ANKRD11: variants seen among roughly 807,000 people sequenced by gnomAD.
ANKRD11 encodes ankyrin repeat domain-containing protein 11.
ANKRD11 carries 17 observed loss-of-function variants against 195.7 expected under a neutral mutation model. The observed-to-expected ratio is 0.09, with a 90% CI of 0.06 to 0.13. The LOEUF (loss-of-function observed/expected upper bound fraction) is 0.13, where lower values mean the gene tolerates loss of function less well. ANKRD11 is among the 10% of genes least tolerant of loss of function. The pLI, the probability that ANKRD11 is intolerant of heterozygous loss-of-function variation, is 1.00. For missense variants in ANKRD11, 3,735 were observed against 3,566.1 expected (o/e 1.05, Z -1.21); for synonymous variants, 1,953 against 1,528.1 (o/e 1.28, Z -6.49).
At chr16:89,289,616 G>A (rs1400575159) in intron 6 of ANKRD11, among the ~76,000 whole-genome samples, 1 of 152,212 alleles carries the variant, frequency 6.6e-6, no homozygotes, top group Non-Finnish European at 1.5e-5. Context: ...GACCCAGCCG[G>A]CCTCCCGGCT....
chr16:89,378,042 A>G (rs909723834), intron 2 of ANKRD11, among the ~76,000 whole-genome samples: 7 of 152,168 alleles, frequency 4.6e-5, no homozygotes, highest in Admixed American at 4.6e-4. Flanking sequence ...AGAATACAGT[A>G]TACAATACAT....
chr16:89,391,121 G>A (rs1287046174), intron 2 of ANKRD11, among the ~76,000 whole-genome samples: 4 of 152,026 alleles, frequency 2.6e-5, no homozygotes, highest in Non-Finnish European at 5.9e-5. Context: ...CCAGCTACTC[G>A]GGAGGCTGAA....
chr16:89,337,281 A>C (rs2038412760), intron 2 of ANKRD11, among the ~76,000 whole-genome samples: 1 of 152,024 alleles, frequency 6.6e-6, no homozygotes, highest in Admixed American at 6.6e-5. Flanking sequence ...AAACGTCAGA[A>C]AGGAGAGGAC....
chr16:89,331,231 G>C (rs2038050648), intron 2 of ANKRD11, among the ~76,000 whole-genome samples: 2 of 152,234 alleles, frequency 1.3e-5, no homozygotes, highest in African/African-American at 2.4e-5. Context: ...TAGGATTACA[G>C]GCATGAGCCA....
chr16:89,279,586 G>A lies in ANKRD11; in HGVS notation c.6956C>T (p.Pro2319Leu). Residue 2319 changes from proline (P) to leucine (L), a missense_variant, in exon 9 of 13, where the codon CCC becomes CTC. Physicochemically the swap from Pro to Leu is moderately conservative, Grantham distance 98. Transcript: ENST00000301030. The surrounding 1 kb of genome is among the most constrained non-coding windows in gnomAD (Gnocchi z 5.6). ...GIQPEAAEPK[P>L]TAEAPKAPRV... Reference sequence around the variant, plus strand: ...GGGGGCCTTCGGGGCTTCGGCCGTGGGTTTTGGTTCTGCGGCTTCCGGCTG... The same window carrying A: ...GGGGGCCTTCGGGGCTTCGGCCGTGAGTTTTGGTTCTGCGGCTTCCGGCTG... The A allele has an allele frequency of 6.9e-7, 1 of 1,452,384 alleles. No individual in the cohort carries two copies. Among genetic ancestry groups the A allele is most frequent in the Non-Finnish European group, 9.1e-7 (1 of 1,099,306 alleles). 90.0% of individuals were successfully genotyped at this position (1,452,384 alleles called of 1,614,324 possible).
chr16:89,451,851 A>G (rs1295223346), intron 1 of ANKRD11, among the ~76,000 whole-genome samples: 1 of 152,230 alleles, frequency 6.6e-6, no homozygotes, highest in African/African-American at 2.4e-5. Flanking sequence ...AACTATCTGT[A>G]TAATTGTACT....
rs575260328 is a variant in ANKRD11, at chr16:89,320,755, G to A, written c.-59-3677C>T. ...CCAAAATAAGACACAACTCAGCCCA[G>A]CGGAGTGGACAGTGTCTGCGGCCAG... On this transcript the variant is annotated intron_variant, in intron 2 of 12. Transcript: ENST00000301030. Among the ~76,000 whole-genome samples, 3 of 152,364 alleles carry A rather than the reference G, an allele frequency of 2.0e-5. No individual in the cohort carries two copies. In the South Asian group the frequency reaches 6.2e-4, roughly 32 times the overall value.
chr16:89,327,430 G>C (rs1054636251), intron 2 of ANKRD11, among the ~76,000 whole-genome samples: 16 of 152,150 alleles, frequency 1.1e-4, no homozygotes, highest in Admixed American at 2.6e-4. Context: ...GAATAAAACT[G>C]TCTCTCTCTG....
At chr16:89,384,604 G>T (rs1205346040) in intron 2 of ANKRD11, among the ~76,000 whole-genome samples, 1 of 152,302 alleles carries the variant, frequency 6.6e-6, no homozygotes, top group East Asian at 1.9e-4. Context: ...ACAGAGCAGG[G>T]CAGCTTCTGC....
chr16:89,274,237 G>A (rs1483153589), intron 11 of ANKRD11, among the ~76,000 whole-genome samples: 4 of 152,232 alleles, frequency 2.6e-5, no homozygotes, highest in Admixed American at 2.0e-4. Flanking sequence ...AGGCACGGGA[G>A]CTGCAGGGGT....
intron 1 of ANKRD11, chr16:89,418,580 A>G (rs182361774): frequency 6.8e-5 from 14 of 206,974 alleles, no homozygotes; most frequent in African/African-American, 2.5e-4. Context: ...AATTGCAACA[A>G]CTTAAAGGTA....
At chr16:89,362,080 T>C (rs118145550) in intron 2 of ANKRD11, among the ~76,000 whole-genome samples, 1 of 152,262 alleles carries the variant, frequency 6.6e-6, no homozygotes, top group Non-Finnish European at 1.5e-5. Flanking sequence ...ACTGAAAGTT[T>C]TGTAAAAGAT....
intron 2 of ANKRD11, among the ~76,000 whole-genome samples, chr16:89,381,655 G>A (rs558457706): frequency 1.3e-5 from 2 of 152,262 alleles, no homozygotes; most frequent in South Asian, 2.1e-4. Flanking sequence ...TCACAAATGC[G>A]CATCACAGAA....
At chr16:89,306,887 C>T (rs1232708533) in intron 3 of ANKRD11, among the ~76,000 whole-genome samples, 1 of 150,882 alleles carries the variant, frequency 6.6e-6, no homozygotes, top group Non-Finnish European at 1.5e-5. Flanking sequence ...TCCACAGACA[C>T]GCGCCACCTA....
rs570395748 is a variant in ANKRD11, at chr16:89,272,281, G to A, written c.7714-1372C>T. ...AGGATGTGGGGAAAAGGGAACCCTC[G>A]TACCCCGTTGGTGGGAATGTAAATT... On this transcript the variant is annotated intron_variant, in intron 11 of 12. Coordinates refer to ENST00000301030, the MANE Select transcript of ANKRD11 (RefSeq NM_013275.6). The A allele has an allele frequency of 4.6e-5, 7 of 152,292 alleles. No individual in the cohort carries two copies. The East Asian group carries it at 7.7e-4, about 17-fold the overall frequency. The allele number at this position is 152,292 out of a possible 1,614,324, so 9.4% of individuals were successfully genotyped here. A position where few individuals can be genotyped will look rare whatever the true frequency, so the allele number is the denominator to read the frequency against.
chr16:89,488,659 G>T (rs1048512128), intron 1 of ANKRD11, among the ~76,000 whole-genome samples: 3 of 152,122 alleles, frequency 2.0e-5, no homozygotes, highest in African/African-American at 7.2e-5. Flanking sequence ...TAACTGTTTC[G>T]ATGGCACTTT....
chr16:89,394,098 C>T lies in ANKRD11; in HGVS notation c.-60+24186G>A, dbSNP rs146537942. On this transcript the variant is annotated intron_variant, in intron 2 of 12. Coordinates refer to ENST00000301030, the MANE Select transcript of ANKRD11 (RefSeq NM_013275.6). ...CCCTAGCCCTCCTGGAGACTCCACCCATCACAGTCCCAGGTTCCAGGCAGG... is the reference window on the plus strand; with the variant it reads ...CCCTAGCCCTCCTGGAGACTCCACCTATCACAGTCCCAGGTTCCAGGCAGG... Among the ~76,000 whole-genome samples the T allele has an allele frequency of 8.7e-4, 133 of 152,270 alleles. 3 individuals carry two copies. The East Asian group carries it at 0.023, about 26-fold the overall frequency.
At chr16:89,478,287 G>A (rs1400665444) in intron 1 of ANKRD11, among the ~76,000 whole-genome samples, 1 of 151,978 alleles carries the variant, frequency 6.6e-6, no homozygotes, top group East Asian at 1.9e-4. Context: ...AGACATGCAC[G>A]TCGGACTATC....
At chr16:89,475,142 G>C (rs921475263) in intron 1 of ANKRD11, among the ~76,000 whole-genome samples, 1 of 152,216 alleles carries the variant, frequency 6.6e-6, no homozygotes, top group African/African-American at 2.4e-5. Flanking sequence ...GCAGAGAAAG[G>C]CTGGGGAGCT....
Sources: gnomAD v4.1 joint callset for allele counts (sites outside exome capture counted in the v4.1 genomes callset) on GRCh38, gnomAD v4.1.1 for gene constraint, Gnocchi (gnomAD v3.1) non-coding constraint, MANE v1.5 for transcripts, NCBI Gene and HGNC (gene_info 2026-07-23, HGNC 2026-07-21) for gene names.